Variants in CNBD1 observed in about 807,000 individuals in gnomAD.
The protein encoded by CNBD1 is cyclic nucleotide binding domain containing 1, also known as cyclic nucleotide-binding domain-containing protein 1.
In CNBD1, 71 loss-of-function variants were observed where a neutral mutation model predicts 54.4. The ratio of observed to expected loss-of-function variants is 1.30; its 90% CI spans 1.08 to 1.59. The LOEUF is 1.59. CNBD1 is among the 40% of genes most tolerant of loss of function. The pLI, the probability that CNBD1 is intolerant of heterozygous loss-of-function variation, is 0.00. For synonymous variants in CNBD1, 182 were observed against 170.7 expected (o/e 1.07, Z -0.51); for missense variants, 659 against 518.0 (o/e 1.27, Z -2.64).
At chr8:87,403,914 T>C (rs982377245) in intron 2 of CNBD1, among the ~76,000 whole-genome samples, 1 of 152,010 alleles carries the variant, frequency 6.6e-6, no homozygotes, top group African/African-American at 2.4e-5. Context: ...TCCCCCATGA[T>C]GTGATTTGCT....
intron 4 of CNBD1, among the ~76,000 whole-genome samples, chr8:86,994,187 G>A (rs1808818011): frequency 6.6e-6 from 1 of 152,322 alleles, no homozygotes; most frequent in African/African-American, 2.4e-5. Flanking sequence ...TGGGGCAATG[G>A]GATCAGGCCA....
intron 1 of CNBD1, among the ~76,000 whole-genome samples, chr8:86,879,922 G>A (rs1275115283): frequency 6.6e-6 from 1 of 151,892 alleles, no homozygotes; most frequent in African/African-American, 2.4e-5. Flanking sequence ...AACTTAGAGG[G>A]TGGTGTTCAA....
chr8:87,198,162 A>G (rs1813760783), intron 4 of CNBD1, among the ~76,000 whole-genome samples: 1 of 152,212 alleles, frequency 6.6e-6, no homozygotes, highest in Non-Finnish European at 1.5e-5. Context: ...TTTTATATTG[A>G]CTTGTTTTAA....
At chr8:87,337,424 C>T (rs1207178295) in intron 8 of CNBD1, among the ~76,000 whole-genome samples, 1 of 152,194 alleles carries the variant, frequency 6.6e-6, no homozygotes, top group Non-Finnish European at 1.5e-5. Flanking sequence ...TACAGGGAGG[C>T]CCTGCAGCCA....
intron 8 of CNBD1, among the ~76,000 whole-genome samples, chr8:87,322,513 A>T (rs1423382755): frequency 3.3e-5 from 4 of 121,546 alleles, no homozygotes; most frequent in African/African-American, 1.2e-4. Flanking sequence ...GTGTGAGATG[A>T]TATCTCATAG....
intron 4 of CNBD1, among the ~76,000 whole-genome samples, chr8:87,114,130 C>T (rs912261362): frequency 2.6e-5 from 4 of 152,088 alleles, no homozygotes; most frequent in African/African-American, 9.7e-5. Flanking sequence ...ACATACTACT[C>T]AGTAATTTTT....
rs375335887 is a variant in CNBD1, at chr8:86,866,601, T to C, written c.88+18T>C. 1.7e-5 allele frequency: 27 copies of C among 1,562,924 alleles called. 1 individual carries two copies. The highest frequency in any genetic ancestry group is 1.5e-4 in the African/African-American group (11 of 74,046). On this transcript the variant is annotated intron_variant, in intron 1 of 10. Coordinates refer to ENST00000518476, the MANE Select transcript of CNBD1 (RefSeq NM_173538.3). ...TATACCAAGTGAGTGGGAAATACTT[T>C]GATGCTCTTATTCACCTACCATTGT...
intron 6 of CNBD1, among the ~76,000 whole-genome samples, chr8:87,256,966 A>C (rs1808036753): frequency 6.6e-6 from 1 of 152,084 alleles, no homozygotes; most frequent in East Asian, 1.9e-4. Flanking sequence ...AGTGAACCAC[A>C]AAAAGCTTTC....
chr8:87,152,537 T>C (rs1812626846), intron 4 of CNBD1, among the ~76,000 whole-genome samples: 1 of 151,996 alleles, frequency 6.6e-6, no homozygotes, highest in African/African-American at 2.4e-5. Context: ...GGGCTGCATG[T>C]GGCCCACAGG....
intron 4 of CNBD1, among the ~76,000 whole-genome samples, chr8:87,131,256 G>C (rs929944275): frequency 1.3e-5 from 2 of 151,666 alleles, no homozygotes; most frequent in East Asian, 3.9e-4. Context: ...TATTTCTCTG[G>C]TATTTGTTTT....
At chr8:87,244,147 A>G (rs1299121945) in intron 6 of CNBD1, among the ~76,000 whole-genome samples, 3 of 152,282 alleles carry the variant, frequency 2.0e-5, no homozygotes, top group African/African-American at 4.8e-5. Context: ...CAATCAACAT[A>G]TGTAAGAAGT....
At chr8:87,190,546 G>A (rs897023809) in intron 4 of CNBD1, among the ~76,000 whole-genome samples, 4 of 152,028 alleles carry the variant, frequency 2.6e-5, no homozygotes, top group Middle Eastern at 3.4e-3. Flanking sequence ...TTTTAATCCA[G>A]CTTCATTAAT....
intron 6 of CNBD1, among the ~76,000 whole-genome samples, chr8:87,282,809 A>AATT (rs1563537071): frequency 3.3e-5 from 5 of 152,040 alleles, no homozygotes; most frequent in Non-Finnish European, 7.4e-5. Flanking sequence ...AATTAAATGG[A>AATT]CAATATCTGC....
At chr8:87,118,223 G>C (rs994225785) in intron 4 of CNBD1, among the ~76,000 whole-genome samples, 1 of 148,330 alleles carries the variant, frequency 6.7e-6, no homozygotes, top group East Asian at 2.1e-4. Flanking sequence ...GCTGAGGCAG[G>C]AGAATTGCTT....
chr8:87,006,868 T>C (rs924936013), intron 4 of CNBD1, among the ~76,000 whole-genome samples: 6 of 152,256 alleles, frequency 3.9e-5, no homozygotes, highest in Non-Finnish European at 7.3e-5. Flanking sequence ...ATTATGACTT[T>C]CTTATGTTAG....
At chr8:86,884,644 G>C (rs887263223) in intron 1 of CNBD1, among the ~76,000 whole-genome samples, 6 of 152,014 alleles carry the variant, frequency 3.9e-5, no homozygotes, top group African/African-American at 1.4e-4. Context: ...GTCTCTGAAG[G>C]ATCCTTTTCT....
chr8:87,316,023 G>C (rs916083230), intron 8 of CNBD1, among the ~76,000 whole-genome samples: 1 of 151,584 alleles, frequency 6.6e-6, no homozygotes, highest in Non-Finnish European at 1.5e-5. Context: ...TCATAAAATA[G>C]GTAAAAAACA....
At chr8:87,102,150 G>A (rs138356304) in intron 4 of CNBD1, among the ~76,000 whole-genome samples, 55 of 152,186 alleles carry the variant, frequency 3.6e-4, no homozygotes, top group African/African-American at 1.3e-3. Flanking sequence ...GCCTCCCAAA[G>A]TGCTGGGATT....
intron 4 of CNBD1, among the ~76,000 whole-genome samples, chr8:87,160,596 A>G (rs1263232594): frequency 6.6e-6 from 1 of 152,162 alleles, no homozygotes; most frequent in Non-Finnish European, 1.5e-5. Flanking sequence ...TAATTTCATA[A>G]TCTGCTTTAA....
Sources: allele counts gnomAD v4.1 joint callset (sites outside exome capture counted in the v4.1 genomes callset), GRCh38; gene constraint gnomAD v4.1.1; transcripts MANE v1.5; gene names NCBI Gene and HGNC (gene_info 2026-07-23, HGNC 2026-07-21).